Variants in UNCX observed in about 807,000 individuals in gnomAD.
UNCX encodes homeobox protein unc-4 homolog.
In UNCX, 4 loss-of-function variants were observed where a neutral mutation model predicts 14.8. That is an observed-to-expected ratio of 0.27 (90% confidence interval 0.13 to 0.62). The LOEUF is 0.62. Among genes scored for constraint, UNCX ranks in the 20% least tolerant of loss-of-function variants. The pLI is 0.86. For synonymous variants in UNCX, 459 were observed against 395.8 expected, an observed-to-expected ratio of 1.16 and a Z score of -1.90; for missense variants, 749 against 786.8, an observed-to-expected ratio of 0.95 and a Z score of 0.58.
rs1778678652 is a variant in UNCX at position 1,233,269 on chromosome 7, C to G, written c.252C>G (p.Asp84Glu). Reference protein sequence around the residue: ...LLPAACGVGGDGQPFKLSDSG... With the variant: ...LLPAACGVGGEGQPFKLSDSG... ...CAGCCGCCTGCGGGGTCGGCGGGGACGGCCAGCCCTTCAAGCTGTCAGGTA... is the reference window on the plus strand; with the variant it reads ...CAGCCGCCTGCGGGGTCGGCGGGGAGGGCCAGCCCTTCAAGCTGTCAGGTA... The change falls in exon 1 of 3, where the codon GAC (aspartate) becomes GAG (glutamate). Residue 84 changes from aspartate to glutamate, a missense_variant. By Grantham distance (45) the Asp-to-Glu change is conservative. Around this residue, in one of 3 missense-constraint regions of UNCX, gnomAD observed 155 missense variants for 166.7 expected, o/e 0.93. Coordinates refer to ENST00000316333, the MANE Select transcript of UNCX (RefSeq NM_001080461.3). The surrounding 1 kb of genome is among the most constrained non-coding windows in gnomAD (Gnocchi z 5.3). 1.5e-6 allele frequency: 2 copies of G among 1,336,188 alleles called. No individual in the cohort carries two copies. The highest frequency in any genetic ancestry group is 3.1e-5 in the African/African-American group (2 of 64,684). 82.8% of individuals were successfully genotyped at this position (1,336,188 alleles called of 1,614,324 possible). A position where few individuals can be genotyped will look rare whatever the true frequency, so the allele number is the denominator to read the frequency against.
chr7:1,236,594 G>GCGCCCAAGGACGCGC lies in UNCX; in HGVS notation c.1219_1233dup (p.Lys407_Pro411dup). On this transcript the variant is annotated inframe_insertion, in exon 3 of 3. Transcript: ENST00000316333. This position sits in a 1 kb window ranked among gnomAD's most constrained non-coding sequence, Gnocchi z 6.9. ...CAAGGGCGGCGCGGGCCTGGAGCCG[G>GCGCCCAAGGACGCGC]CGCCCAAGGACGCGCCGCCCGCGCC... The GCGCCCAAGGACGCGC allele has an allele frequency of 8.4e-7, 1 of 1,183,804 alleles. No individual in the cohort carries two copies. The highest frequency in any genetic ancestry group is 1.0e-6 in the Non-Finnish European group (1 of 957,308). 73.3% of individuals were successfully genotyped at this position (1,183,804 alleles called of 1,614,324 possible).
rs1208847583 is a variant in UNCX at position 1,233,361 on chromosome 7, CT to C, written c.274+71del. 7.9e-7 allele frequency: 1 copy of C among 1,273,700 alleles called. No homozygotes were observed. The highest frequency in any genetic ancestry group is 1.7e-5 in the African/African-American group (1 of 58,454). 78.9% of individuals were successfully genotyped at this position (1,273,700 alleles called of 1,614,324 possible). On this transcript the variant is annotated intron_variant, in intron 1 of 2. Coordinates refer to ENST00000316333, the MANE Select transcript of UNCX (RefSeq NM_001080461.3). The surrounding 1 kb of genome is among the most constrained non-coding windows in gnomAD (Gnocchi z 5.3). ...CGGGGGCCCTGGTCCGGCCGAGGCGCTGGGGGGCCCGGGGCTGGCGAAGGAG... is the reference window on the plus strand; with the variant it reads ...CGGGGGCCCTGGTCCGGCCGAGGCGCGGGGGGCCCGGGGCTGGCGAAGGAG...
chr7:1,235,496 C>G (rs534928192), intron 2 of UNCX, among the ~76,000 whole-genome samples: 1 of 152,356 alleles, frequency 6.6e-6, no homozygotes, highest in Non-Finnish European at 1.5e-5. Flanking sequence ...GCCTTGCTCT[C>G]TAGCCTCCGG....
intron 2 of UNCX, among the ~76,000 whole-genome samples, chr7:1,235,464 C>A (rs1778720952): frequency 6.6e-6 from 1 of 152,210 alleles, no homozygotes; most frequent in Non-Finnish European, 1.5e-5. Flanking sequence ...GAGCCGTGAG[C>A]GGCCAGGAAG....
chr7:1,237,075 C>A lies in UNCX; in HGVS notation c.*98C>A. 1 of 913,218 alleles carries A rather than the reference C, an allele frequency of 1.1e-6. No homozygotes were observed. The highest frequency in any genetic ancestry group is 1.3e-6 in the Non-Finnish European group (1 of 749,550). The allele number at this position is 913,218 out of a possible 1,614,324, so 56.6% of individuals were successfully genotyped here. ...CAGGTGATCGGCTCTAGAAACACTGCTTTCCCTTCTTTTCTTTTGTTTTCT... is the reference window on the plus strand; with the variant it reads ...CAGGTGATCGGCTCTAGAAACACTGATTTCCCTTCTTTTCTTTTGTTTTCT... On this transcript the variant is annotated 3_prime_UTR_variant, in exon 3 of 3. Transcript: ENST00000316333. This position sits in a 1 kb window ranked among gnomAD's most constrained non-coding sequence, Gnocchi z 5.8.
Position 1,235,879 on chromosome 7 carries a change from G to A in UNCX, c.498G>A (p.Thr166=). ...CCAAGTGGAGGAAGAAGGAGAACAC[G>A]AAAAAGGGCCCGGGGCGGCCGGCGC... ...RRAKWRKKEN[T]KKGPGRPAHN... The change falls in exon 3 of 3, where the codon ACG becomes ACA. Residue 166 remains threonine, a synonymous_variant. Transcript: ENST00000316333. 1.9e-6 allele frequency: 3 copies of A among 1,612,152 alleles called. No homozygotes were observed. Among genetic ancestry groups the A allele is most frequent in the South Asian group, 1.1e-5 (1 of 91,002 alleles).
Position 1,232,946 on chromosome 7 carries a change from G to T in UNCX, c.-72G>T, listed in dbSNP as rs978953575. ...TCCGCCGCCGCCGCCCGCGCCTCCC[G>T]CCGCTGGCCCGCCCCGGCCCCGGCC... On this transcript the variant is annotated 5_prime_UTR_variant, in exon 1 of 3. Transcript: ENST00000316333. The T allele has an allele frequency of 0.019, 14,318 of 765,566 alleles. 152 individuals carry two copies. The highest frequency in any genetic ancestry group is 0.021 in the Non-Finnish European group (13,374 of 634,592). The allele number at this position is 765,566 out of a possible 1,614,324, so 47.4% of individuals were successfully genotyped here. A position where few individuals can be genotyped will look rare whatever the true frequency, so the allele number is the denominator to read the frequency against.
chr7:1,233,726 C>T lies in UNCX; in HGVS notation c.450+31C>T. The stretch of plus-strand genomic sequence containing the variant: ...GACCCGGCGTCGCTCCCGGATCTGC[C>T]ATCCGGACCCCAGGCTCTGGGCGCG... On this transcript the variant is annotated intron_variant, in intron 2 of 2. Transcript: ENST00000316333. This position sits in a 1 kb window ranked among gnomAD's most constrained non-coding sequence, Gnocchi z 5.3. The T allele has an allele frequency of 6.4e-7, 1 of 1,573,096 alleles. No homozygotes were observed. Among genetic ancestry groups the T allele is most frequent in the Non-Finnish European group, 8.7e-7 (1 of 1,155,184 alleles).
chr7:1,232,881 G>C lies in UNCX; in HGVS notation c.-137G>C. The C allele has an allele frequency of 3.3e-6, 1 of 299,338 alleles. No homozygotes were observed. The highest frequency in any genetic ancestry group is 4.9e-6 in the Non-Finnish European group (1 of 203,056). The allele number at this position is 299,338 out of a possible 1,614,324, so 18.5% of individuals were successfully genotyped here. On this transcript the variant is annotated 5_prime_UTR_variant, in exon 1 of 3. Transcript: ENST00000316333. ...CTTGATGTTGATAAGTAAAGCGCCG[G>C]AGTGCGGGCGAAGCATGTGTGGGGC... is the stretch of plus-strand genomic sequence containing the variant.
rs1436775694 is a variant in UNCX at position 1,237,213 on chromosome 7, C to T, written c.*236C>T. 9.6e-6 allele frequency: 2 copies of T among 207,580 alleles called. No individual in the cohort carries two copies. Among genetic ancestry groups the T allele is most frequent in the Non-Finnish European group, 1.8e-5 (2 of 108,912 alleles). The allele number at this position is 207,580 out of a possible 1,614,324, so 12.9% of individuals were successfully genotyped here. ...CCTCCTCCCAAGAGAGCAAAAAGGA[C>T]CCATGGCCCCCAAAAAACCCCACAA... On this transcript the variant is annotated 3_prime_UTR_variant, in exon 3 of 3. Transcript: ENST00000316333. The surrounding 1 kb of genome is among the most constrained non-coding windows in gnomAD (Gnocchi z 5.8).
rs1212727959 is a variant in UNCX at position 1,233,930 on chromosome 7, C to T, written c.450+235C>T. ...GGCTTGAGAAGGGCCGGCGGCAGCA[C>T]CCGAGTCACCAGAACAGCGGCTGCG... On this transcript the variant is annotated intron_variant, in intron 2 of 2. Transcript: ENST00000316333. The surrounding 1 kb of genome is among the most constrained non-coding windows in gnomAD (Gnocchi z 5.3). Among the ~76,000 whole-genome samples, 2 of 152,244 alleles carry T rather than the reference C, an allele frequency of 1.3e-5. No homozygotes were observed. Among genetic ancestry groups the T allele is most frequent in the South Asian group, 2.1e-4 (1 of 4,834 alleles).
In UNCX at chr7:1,236,229, C is replaced by T. The variant is rs1454748349; in HGVS notation, c.848C>T (p.Pro283Leu). 6 of 1,359,370 alleles carry T rather than the reference C, an allele frequency of 4.4e-6. No homozygotes were observed. In the East Asian group the frequency reaches 2.0e-4, roughly 45 times the overall value. The allele number at this position is 1,359,370 out of a possible 1,614,324, so 84.2% of individuals were successfully genotyped here. A position where few individuals can be genotyped will look rare whatever the true frequency, so the allele number is the denominator to read the frequency against. ...GEPPAPGTCD[P>L]AFYPSQRSGA... ...CCGCCTGCACCCGGCACCTGCGACC[C>T]CGCCTTCTACCCGAGCCAAAGAAGC... The change falls in exon 3 of 3, where the codon CCC (proline) becomes CTC (leucine). Residue 283 changes from proline (P) to leucine (L), a missense_variant. This residue lies in a region of UNCX where 552 missense variants were observed against 507.2 expected (regional missense o/e 1.09). Transcript: ENST00000316333. The surrounding 1 kb of genome is among the most constrained non-coding windows in gnomAD (Gnocchi z 6.9).
Position 1,236,601 on chromosome 7 carries a change from A to G in UNCX, c.1220A>G (p.Lys407Arg). Residue 407 changes from lysine (K) to arginine (R), a missense_variant, in exon 3 of 3, where the codon AAG (lysine) becomes AGG (arginine). Coordinates refer to ENST00000316333, the MANE Select transcript of UNCX (RefSeq NM_001080461.3). This position sits in a 1 kb window ranked among gnomAD's most constrained non-coding sequence, Gnocchi z 6.9. ...GGCGCGGGCCTGGAGCCGGCGCCCA[A>G]GGACGCGCCGCCCGCGCCCGCCGTG... ...KGGAGLEPAP[K>R]DAPPAPAVPP... The G allele has an allele frequency of 9.0e-7, 1 of 1,111,684 alleles. No individual in the cohort carries two copies. The allele number at this position is 1,111,684 out of a possible 1,614,324, so 68.9% of individuals were successfully genotyped here.
Sources: allele counts gnomAD v4.1 joint callset (sites outside exome capture counted in the v4.1 genomes callset), GRCh38; gene constraint gnomAD v4.1.1; regional missense constraint gnomAD v4.1.1; non-coding constraint Gnocchi (gnomAD v3.1); transcripts MANE v1.5; gene names NCBI Gene and HGNC (gene_info 2026-07-23, HGNC 2026-07-21).